Variants in GRID1 observed in about 807,000 individuals in gnomAD.
GRID1 encodes glutamate ionotropic receptor delta type subunit 1.
Under a neutral mutation model 98.0 loss-of-function variants are expected in GRID1, and 28 were observed. The observed-to-expected ratio is 0.29, with a 90% CI of 0.21 to 0.39. The LOEUF (loss-of-function observed/expected upper bound fraction) is 0.39. Among genes scored for constraint, GRID1 ranks in the 10% least tolerant of loss-of-function variants. The pLI, the probability that GRID1 is intolerant of heterozygous loss-of-function variation, is 1.00. For synonymous variants in GRID1, 553 were observed against 538.5 expected, an observed-to-expected ratio of 1.03 and a Z score of -0.37; for missense variants, 1,111 against 1,340.5, an observed-to-expected ratio of 0.83 and a Z score of 2.67.
intron 2 of GRID1, among the ~76,000 whole-genome samples, chr10:86,227,430 TCCTGCCTCCAG>T (rs1033779860): frequency 6.6e-6 from 1 of 152,142 alleles, no homozygotes; most frequent in African/African-American, 2.4e-5. Flanking sequence ...CTTTTCATTT[TCCTGCCTCCAG>T]CCTTGCCTCT....
At chr10:86,194,241 G>C (rs1336110856) in intron 3 of GRID1, among the ~76,000 whole-genome samples, 1 of 152,052 alleles carries the variant, frequency 6.6e-6, no homozygotes, top group African/African-American at 2.4e-5. Context: ...ATGTATCCAC[G>C]GCTGCGCACT....
chr10:85,888,754 A>G (rs1276437669), intron 5 of GRID1, among the ~76,000 whole-genome samples: 2 of 151,514 alleles, frequency 1.3e-5, no homozygotes, highest in Non-Finnish European at 1.5e-5. Flanking sequence ...TTTTGTTTTT[A>G]CTATTTCCTT....
chr10:86,173,053 T>C (rs888964539), intron 3 of GRID1, among the ~76,000 whole-genome samples: 6 of 152,320 alleles, frequency 3.9e-5, no homozygotes, highest in Admixed American at 6.5e-5. Flanking sequence ...TTTTATTTTG[T>C]TTTTAACAGA....
At chr10:86,011,626 A>G (rs1180054240) in intron 4 of GRID1, among the ~76,000 whole-genome samples, 1 of 152,224 alleles carries the variant, frequency 6.6e-6, no homozygotes, top group Non-Finnish European at 1.5e-5. Flanking sequence ...TGAGAAGACT[A>G]TTCCAAGGAG....
intron 4 of GRID1, among the ~76,000 whole-genome samples, chr10:85,975,665 C>T (rs1030166922): frequency 2.6e-5 from 4 of 152,136 alleles, no homozygotes; most frequent in African/African-American, 9.7e-5. Flanking sequence ...TGGAGACTGA[C>T]TCTTTTTGGT....
intron 12 of GRID1, among the ~76,000 whole-genome samples, chr10:85,721,471 G>T (rs1841702041): frequency 6.6e-6 from 1 of 152,190 alleles, no homozygotes; most frequent in African/African-American, 2.4e-5. Flanking sequence ...GGAATAGTTA[G>T]ACAAACTGTG....
At chr10:85,873,254 A>G (rs1843296504) in intron 5 of GRID1, among the ~76,000 whole-genome samples, 1 of 152,204 alleles carries the variant, frequency 6.6e-6, no homozygotes, top group South Asian at 2.1e-4. Context: ...GGGCAATCCA[A>G]GTGGCTTCTT....
At chr10:85,933,247 C>T (rs1253365432) in intron 4 of GRID1, among the ~76,000 whole-genome samples, 2 of 147,948 alleles carry the variant, frequency 1.4e-5, no homozygotes, top group Non-Finnish European at 3.0e-5. Flanking sequence ...TTTGGACTTC[C>T]CAGCCTCCAG....
intron 2 of GRID1, among the ~76,000 whole-genome samples, chr10:86,296,392 T>C (rs1313086961): frequency 6.6e-6 from 1 of 152,238 alleles, no homozygotes; most frequent in Non-Finnish European, 1.5e-5. Context: ...TCCTCCTTTG[T>C]TTTCTTTTTA....
intron 4 of GRID1, among the ~76,000 whole-genome samples, chr10:85,939,998 C>T (rs1012744775): frequency 4.2e-5 from 6 of 143,004 alleles, no homozygotes; most frequent in South Asian, 2.2e-4. Context: ...ACCTGGGAGG[C>T]GGAGGTTGCA....
intron 8 of GRID1, among the ~76,000 whole-genome samples, chr10:85,745,288 C>T (rs1265943668): frequency 2.4e-5 from 1 of 40,912 alleles, no homozygotes. Context: ...TTTATTGCAG[C>T]ATTATTCACA....
At chr10:86,058,368 T>C (rs1366574127) in intron 4 of GRID1, among the ~76,000 whole-genome samples, 2 of 152,194 alleles carry the variant, frequency 1.3e-5, no homozygotes, top group African/African-American at 4.8e-5. Flanking sequence ...AACCTCTCCA[T>C]GTTCATTACA....
At chr10:86,298,522 C>T (rs1460488018) in intron 2 of GRID1, among the ~76,000 whole-genome samples, 1 of 152,196 alleles carries the variant, frequency 6.6e-6, no homozygotes, top group Non-Finnish European at 1.5e-5. Context: ...GGGCTATGGG[C>T]AGCCCTGGCC....
chr10:86,152,720 G>A (rs531655631), intron 3 of GRID1, among the ~76,000 whole-genome samples: 5 of 152,310 alleles, frequency 3.3e-5, no homozygotes, highest in African/African-American at 1.2e-4. Context: ...GGACCACTGT[G>A]AGGGGCACAC....
intron 15 of GRID1, among the ~76,000 whole-genome samples, chr10:85,610,187 G>A (rs186656363): frequency 6.6e-6 from 1 of 152,304 alleles, no homozygotes; most frequent in East Asian, 1.9e-4. Context: ...ATAAAACACA[G>A]GCAACCAGTA....
At chr10:86,005,033 T>C (rs1842844636) in intron 4 of GRID1, among the ~76,000 whole-genome samples, 1 of 152,172 alleles carries the variant, frequency 6.6e-6, no homozygotes, top group Non-Finnish European at 1.5e-5. Context: ...AGCAATGAAA[T>C]ATTTTCAGGC....
At chr10:86,364,154 T>C (rs1418074814) in intron 1 of GRID1, 58 bp from the exon 2 acceptor site, 1 of 1,506,422 alleles carries the variant, frequency 6.6e-7, no homozygotes, top group Non-Finnish European at 9.1e-7. Context: ...CCCGCTTCCC[T>C]TGGCCCGAGG....
At chr10:86,018,584 C>T (rs558602280) in intron 4 of GRID1, among the ~76,000 whole-genome samples, 2 of 152,230 alleles carry the variant, frequency 1.3e-5, no homozygotes, top group Non-Finnish European at 2.9e-5. Context: ...GTTACATGCA[C>T]GTGACTGCAG....
At chr10:86,194,919 A>G (rs1189681790) in intron 3 of GRID1, among the ~76,000 whole-genome samples, 1 of 151,988 alleles carries the variant, frequency 6.6e-6, no homozygotes, top group African/African-American at 2.4e-5. Context: ...CAGGGCAGGG[A>G]CCATGCCTGC....
Sources: allele counts gnomAD v4.1 joint callset (sites outside exome capture counted in the v4.1 genomes callset), GRCh38; gene constraint gnomAD v4.1.1; transcripts MANE v1.5; gene names NCBI Gene and HGNC (gene_info 2026-07-23, HGNC 2026-07-21).